MUC13: variants seen among roughly 807,000 people sequenced by gnomAD.
MUC13 encodes mucin 13, cell surface associated, also known as mucin-13.
MUC13 carries 32 observed loss-of-function variants against 48.3 expected under a neutral mutation model. The observed-to-expected ratio is 0.66, with a 90% CI of 0.50 to 0.89. The LOEUF is 0.89. Ranked by LOEUF, MUC13 falls within the 40% of genes least tolerant of loss-of-function variation. MUC13 has a pLI of 0.00. For synonymous variants in MUC13, 199 were observed against 224.9 expected (o/e 0.88, Z 1.03); for missense variants, 571 against 622.8 (o/e 0.92, Z 0.88).
chr3:124,911,553 T>C (rs558275961), intron 9 of MUC13, among the ~76,000 whole-genome samples: 1 of 152,186 alleles, frequency 6.6e-6, no homozygotes, highest in Non-Finnish European at 1.5e-5. Context: ...CTTTAGTTCA[T>C]TATGTAAATT....
chr3:124,929,840 T>C (rs1935762327), intron 1 of MUC13, among the ~76,000 whole-genome samples: 1 of 152,194 alleles, frequency 6.6e-6, no homozygotes, highest in Non-Finnish European at 1.5e-5. Flanking sequence ...ATTAAAGTTA[T>C]GGGGAAGGCC....
rs375598586 is a variant in MUC13 at position 124,910,397 on chromosome 3, G to A, written c.1337+18C>T. On this transcript the variant is annotated intron_variant, in intron 10 of 11. Coordinates refer to ENST00000616727, the MANE Select transcript of MUC13 (RefSeq NM_033049.4). ...CTATAAAAAAAAAAAATTTAAAAAG[G>A]ACACTTTCATCCCATACCTTGCTGT... 12 of 1,603,154 alleles carry A rather than the reference G, an allele frequency of 7.5e-6. No homozygotes were observed. Among genetic ancestry groups the A allele is most frequent in the South Asian group, 1.1e-5 (1 of 88,206 alleles).
intron 10 of MUC13, among the ~76,000 whole-genome samples, chr3:124,909,060 G>A (rs1347106050): frequency 2.0e-5 from 3 of 151,932 alleles, no homozygotes; most frequent in South Asian, 2.1e-4. Context: ...AGGCCGAGGC[G>A]GGAGAATCGC....
intron 9 of MUC13, among the ~76,000 whole-genome samples, chr3:124,911,444 G>T (rs1935418184): frequency 1.3e-5 from 2 of 152,130 alleles, no homozygotes; most frequent in South Asian, 4.1e-4. Flanking sequence ...ATTATTCCTT[G>T]CAATAAAATA....
At chr3:124,913,764 C>T in intron 6 of MUC13, 83 bp from the exon 7 acceptor site, 1 of 1,528,670 alleles carries the variant, frequency 6.5e-7, no homozygotes, top group South Asian at 1.2e-5. Flanking sequence ...CACCCCATTG[C>T]TGTTATACTT....
At chr3:124,915,859 G>C (rs1321432258) in intron 6 of MUC13, among the ~76,000 whole-genome samples, 1 of 152,016 alleles carries the variant, frequency 6.6e-6, no homozygotes, top group East Asian at 1.9e-4. Flanking sequence ...CTAATTTTTT[G>C]TAGAGATGGG....
At chr3:124,907,655 T>TAG (rs552996081) in intron 11 of MUC13, among the ~76,000 whole-genome samples, 61 of 79,036 alleles carry the variant, frequency 7.7e-4, no homozygotes, top group East Asian at 2.1e-3. Flanking sequence ...TATATATATA[T>TAG]ATAGAGAGAG....
intron 4 of MUC13, among the ~76,000 whole-genome samples, chr3:124,921,172 CAG>C (rs1267528968): frequency 2.0e-5 from 3 of 150,760 alleles, no homozygotes; most frequent in African/African-American, 7.3e-5. Flanking sequence ...TTTCTCCAGG[CAG>C]AGTCTCACTC....
rs932417507 is a variant in MUC13 at position 124,912,100 on chromosome 3, T to G, written c.1252+4A>C. 13 of 1,612,526 alleles carry G rather than the reference T, an allele frequency of 8.1e-6. No individual in the cohort carries two copies. The highest frequency in any genetic ancestry group is 1.3e-5 in the African/African-American group (1 of 75,026). ...GTTTATAATAGCAAGACTTTCATAC[T>G]CACTGTCCTTACAGTCGAGTCCACT... On this transcript the variant is annotated splice_donor_region_variant and intron_variant, in intron 9 of 11. Transcript: ENST00000616727.
intron 4 of MUC13, among the ~76,000 whole-genome samples, chr3:124,921,539 G>A (rs2332926): frequency 0.98 from 149,691 of 152,306 alleles, 73,591 homozygotes; most frequent in East Asian, 1. Flanking sequence ...ATGCTCTGAG[G>A]GTCCTTCCAG....
chr3:124,920,931 C>A (rs1186407265), intron 4 of MUC13, among the ~76,000 whole-genome samples: 1 of 152,228 alleles, frequency 6.6e-6, no homozygotes. Flanking sequence ...AGGGACAGAG[C>A]AAACTCTGTG....
intron 4 of MUC13, among the ~76,000 whole-genome samples, chr3:124,920,875 GGCAAGTCACT>G (rs1935583973): frequency 6.6e-6 from 1 of 152,172 alleles, no homozygotes; most frequent in Admixed American, 6.5e-5. Context: ...AAGATGAGAG[GGCAAGTCACT>G]GCCAGCTGGC....
intron 3 of MUC13, among the ~76,000 whole-genome samples, chr3:124,922,591 CT>C (rs1242125220): frequency 1.7e-3 from 145 of 85,432 alleles, no homozygotes; most frequent in Middle Eastern, 8.6e-3. Flanking sequence ...GTTGCCTAGT[CT>C]TTTTTTTTTT....
chr3:124,924,400 C>T (rs1194260321), intron 2 of MUC13, among the ~76,000 whole-genome samples: 2 of 152,170 alleles, frequency 1.3e-5, no homozygotes, highest in Non-Finnish European at 1.5e-5. Context: ...CAGTGGTGAT[C>T]TGGGCTATGA....
intron 1 of MUC13, among the ~76,000 whole-genome samples, chr3:124,931,476 G>A (rs1042569451): frequency 9.9e-5 from 15 of 152,010 alleles, no homozygotes; most frequent in African/African-American, 1.9e-4. Flanking sequence ...GGCCAGGCGC[G>A]GTGGCTCATG....
chr3:124,923,736 C>A (rs1409806703), intron 2 of MUC13, 87 bp from the exon 3 acceptor site: 3 of 1,366,360 alleles, frequency 2.2e-6, no homozygotes, highest in Admixed American at 4.1e-5. Context: ...TCATGCCTCC[C>A]CCCTGGGCCC....
chr3:124,913,824 C>T, intron 6 of MUC13, 143 bp from the exon 7 acceptor site: 1 of 831,270 alleles, frequency 1.2e-6, no homozygotes, highest in Non-Finnish European at 1.9e-6. Flanking sequence ...CAACTGTAAT[C>T]CCAGCACTTT....
intron 4 of MUC13, 119 bp downstream of exon 4, chr3:124,922,078 T>G (rs1418989822): frequency 8.2e-7 from 1 of 1,217,578 alleles, no homozygotes; most frequent in African/African-American, 1.5e-5. Flanking sequence ...TACATTTCAC[T>G]GTTTGAACAA....
At chr3:124,929,341 C>T (rs572707423) in intron 1 of MUC13, among the ~76,000 whole-genome samples, 1 of 152,200 alleles carries the variant, frequency 6.6e-6, no homozygotes, top group East Asian at 1.9e-4. Context: ...TTGCCTGGCC[C>T]AGTGATAAGT....
Sources: allele counts gnomAD v4.1 joint callset (sites outside exome capture counted in the v4.1 genomes callset), GRCh38; gene constraint gnomAD v4.1.1; transcripts MANE v1.5; gene names NCBI Gene and HGNC (gene_info 2026-07-23, HGNC 2026-07-21).